DCAF6: variants seen among roughly 807,000 people sequenced by gnomAD.
DCAF6 encodes the protein DDB1 and CUL4 associated factor 6, also known as DDB1- and CUL4-associated factor 6.
DCAF6 carries 54 observed loss-of-function variants against 125.1 expected under a neutral mutation model. The observed-to-expected ratio is 0.43, with a 90% CI of 0.35 to 0.54. The LOEUF (loss-of-function observed/expected upper bound fraction) is 0.54, where lower values mean the gene tolerates loss of function less well. Ranked by LOEUF, DCAF6 falls within the 20% of genes least tolerant of loss-of-function variation. DCAF6 has a pLI of 0.01. For synonymous variants in DCAF6, 371 were observed against 390.4 expected (o/e 0.95, Z 0.58); for missense variants, 934 against 1,161.7 (o/e 0.80, Z 2.85).
intron 20 of DCAF6, among the ~76,000 whole-genome samples, chr1:168,067,376 G>A (rs549105759): frequency 6.6e-6 from 1 of 152,168 alleles, no homozygotes; most frequent in Non-Finnish European, 1.5e-5. Context: ...TCAGTCAGAG[G>A]TATACACATA....
chr1:167,888,541 C>A, the DCAF6 span, among the ~76,000 whole-genome samples: 1 of 151,904 alleles, frequency 6.6e-6, no homozygotes, highest in Admixed American at 6.6e-5. Context: ...GGATTACTTT[C>A]TTGATTTCTT....
chr1:167,937,290 T>TACAA, intron 1 of DCAF6: 1 of 471,636 alleles, frequency 2.1e-6, no homozygotes, highest in Admixed American at 3.8e-5. Flanking sequence ...GCTGATGGGT[T>TACAA]GGGACTCGGG....
the DCAF6 span, among the ~76,000 whole-genome samples, chr1:167,906,418 A>G: frequency 6.6e-6 from 1 of 152,080 alleles, no homozygotes; most frequent in Non-Finnish European, 1.5e-5. Flanking sequence ...AGCATGTGCC[A>G]GGAACAGTCA....
chr1:168,025,138 A>G (rs2103260966), intron 12 of DCAF6, among the ~76,000 whole-genome samples: 1 of 152,244 alleles, frequency 6.6e-6, no homozygotes, highest in Admixed American at 6.5e-5. Context: ...TCACTATCAG[A>G]GATTTTATAG....
the DCAF6 span, among the ~76,000 whole-genome samples, chr1:167,893,568 G>T: frequency 6.6e-6 from 1 of 151,856 alleles, no homozygotes; most frequent in Non-Finnish European, 1.5e-5. Flanking sequence ...CAAAAAGTTA[G>T]CTGGGTGTGG....
chr1:167,870,785 G>A, the DCAF6 span, among the ~76,000 whole-genome samples: 1 of 151,478 alleles, frequency 6.6e-6, no homozygotes, highest in Middle Eastern at 3.2e-3. Context: ...CTCCAGCCTG[G>A]GCGACAAGCA....
chr1:168,000,592 T>G (rs568899892), intron 7 of DCAF6, among the ~76,000 whole-genome samples: 1 of 152,008 alleles, frequency 6.6e-6, no homozygotes, highest in South Asian at 2.1e-4. Context: ...AGCCAACAAG[T>G]GGAATAAGTT....
chr1:167,946,423 G>A (rs539173073), intron 1 of DCAF6, among the ~76,000 whole-genome samples: 1 of 152,288 alleles, frequency 6.6e-6, no homozygotes, highest in African/African-American at 2.4e-5. Flanking sequence ...GAAGAGTGGT[G>A]AAAGTAGGCA....
At chr1:167,905,219 G>C in the DCAF6 span, 1 of 1,473,976 alleles carries the variant, frequency 6.8e-7, no homozygotes, top group South Asian at 1.1e-5. Flanking sequence ...AATTGAAATA[G>C]AGGAAATCTG....
At chr1:167,979,764 G>A (rs1233563891) in intron 4 of DCAF6, among the ~76,000 whole-genome samples, 1 of 152,136 alleles carries the variant, frequency 6.6e-6, no homozygotes, top group Non-Finnish European at 1.5e-5. Flanking sequence ...GCAGGTGCCT[G>A]TAGTCCCAGC....
the DCAF6 span, among the ~76,000 whole-genome samples, chr1:167,875,601 A>C: frequency 6.6e-6 from 1 of 152,238 alleles, no homozygotes; most frequent in Non-Finnish European, 1.5e-5. Flanking sequence ...TGTCTGGCGC[A>C]GTTCCAAGTG....
chr1:167,875,801 A>C, the DCAF6 span, among the ~76,000 whole-genome samples: 6 of 152,028 alleles, frequency 3.9e-5, no homozygotes, highest in African/African-American at 7.3e-5. Context: ...ATACAAAAAG[A>C]AATTAGCCAG....
At chr1:167,934,776 C>G (rs916500458), upstream of DCAF6, among the ~76,000 whole-genome samples, 1 of 152,196 alleles carries the variant, frequency 6.6e-6, no homozygotes. Flanking sequence ...ATTTACAACA[C>G]ATTTTCTAGT....
chr1:168,063,190 A>C (rs1270877198), intron 17 of DCAF6, among the ~76,000 whole-genome samples: 1 of 152,170 alleles, frequency 6.6e-6, no homozygotes, highest in Non-Finnish European at 1.5e-5. Flanking sequence ...ATAGAAGTCT[A>C]TCCACTGCTA....
Position 167,966,612 on chromosome 1 carries a change from T to C in DCAF6, c.160-17T>C, listed in dbSNP as rs753517402. On this transcript the variant is annotated splice_polypyrimidine_tract_variant and intron_variant, in intron 2 of 21. Coordinates refer to ENST00000367840, the MANE Select transcript of DCAF6 (RefSeq NM_001198956.2). ...TATGTCCAATTTGCTTATATTTCTT[T>C]TTTGCTTTCTCTTTAGGTTAATACA... 2.0e-6 allele frequency: 3 copies of C among 1,513,692 alleles called. No individual in the cohort carries two copies. Among genetic ancestry groups the C allele is most frequent in the South Asian group, 1.2e-5 (1 of 85,898 alleles). The allele number at this position is 1,513,692 out of a possible 1,614,324, so 93.8% of individuals were successfully genotyped here. A position where few individuals can be genotyped will look rare whatever the true frequency, so the allele number is the denominator to read the frequency against.
At chr1:168,026,240 T>G (rs1686324383) in intron 12 of DCAF6, among the ~76,000 whole-genome samples, 1 of 152,196 alleles carries the variant, frequency 6.6e-6, no homozygotes, top group Non-Finnish European at 1.5e-5. Flanking sequence ...CTCTAAATAT[T>G]TTCATTTAAT....
chr1:167,892,060 G>A, the DCAF6 span, among the ~76,000 whole-genome samples: 1,081 of 150,752 alleles, frequency 7.2e-3, 7 homozygotes, highest in Admixed American at 0.012. Context: ...TGCAAGCTCC[G>A]TCTCCTTGCT....
chr1:167,891,299 G>T, the DCAF6 span, among the ~76,000 whole-genome samples: 2 of 151,882 alleles, frequency 1.3e-5, no homozygotes, highest in Non-Finnish European at 2.9e-5. Flanking sequence ...TGCCTCTCTG[G>T]GGTGGTGGTA....
chr1:168,043,749 T>C (rs1688828518), intron 14 of DCAF6, among the ~76,000 whole-genome samples: 2 of 152,182 alleles, frequency 1.3e-5, no homozygotes, highest in Non-Finnish European at 2.9e-5. Context: ...ATTAAGTATG[T>C]GTAAGACAGC....
Sources: allele counts gnomAD v4.1 joint callset (sites outside exome capture counted in the v4.1 genomes callset), GRCh38; gene constraint gnomAD v4.1.1; transcripts MANE v1.5; gene names NCBI Gene and HGNC (gene_info 2026-07-23, HGNC 2026-07-21).